CTNNA1: variants seen among roughly 807,000 people sequenced by gnomAD.
CTNNA1 encodes the protein catenin alpha 1, also known as catenin alpha-1.
A neutral mutation model predicts 98.4 loss-of-function variants in CTNNA1; 37 were observed. The observed-to-expected ratio is 0.38, with a 90% CI of 0.29 to 0.49. The LOEUF is 0.49. CTNNA1 is among the 20% of genes least tolerant of loss of function. CTNNA1 has a pLI of 0.95. For missense variants in CTNNA1, 761 were observed against 1,147.2 expected, an observed-to-expected ratio of 0.66 and a Z score of 4.86; for synonymous variants, 404 against 413.2, an observed-to-expected ratio of 0.98 and a Z score of 0.27.
chr5:138,913,996 G>T lies in CTNNA1; in HGVS notation c.1390-3746G>T, dbSNP rs549273670. Among the ~76,000 whole-genome samples, 114 of 152,292 alleles carry T rather than the reference G, an allele frequency of 7.5e-4. 1 individual carries two copies. In the Middle Eastern group the frequency reaches 0.01, roughly 14 times the overall value. On this transcript the variant is annotated intron_variant, in intron 10 of 17. Coordinates refer to ENST00000302763, the MANE Select transcript of CTNNA1 (RefSeq NM_001903.5). ...CTCCCAGAGTGCTGGGATTACAGGCGTGAGCCACTGTGCTCAGCCAGGACA... is the reference window on the plus strand; with the variant it reads ...CTCCCAGAGTGCTGGGATTACAGGCTTGAGCCACTGTGCTCAGCCAGGACA...
intron 16 of CTNNA1, among the ~76,000 whole-genome samples, chr5:138,931,277 C>T (rs1332681634): frequency 6.6e-6 from 1 of 152,224 alleles, no homozygotes; most frequent in African/African-American, 2.4e-5. Flanking sequence ...TTTCTTCATC[C>T]TCAGCACTGT....
At chr5:138,860,930 A>C (rs1206486321) in intron 7 of CTNNA1, among the ~76,000 whole-genome samples, 1 of 152,118 alleles carries the variant, frequency 6.6e-6, no homozygotes, top group East Asian at 1.9e-4. Context: ...CGAGGATGGT[A>C]TATTCTTCTT....
At chr5:138,763,065 C>G (rs1452044683) in intron 1 of CTNNA1, among the ~76,000 whole-genome samples, 2 of 150,558 alleles carry the variant, frequency 1.3e-5, no homozygotes, top group East Asian at 3.9e-4. Flanking sequence ...AAATAAGTGG[C>G]TCATCAACTC....
At chr5:138,928,642 A>G (rs1266946956) in intron 13 of CTNNA1, among the ~76,000 whole-genome samples, 3 of 152,058 alleles carry the variant, frequency 2.0e-5, no homozygotes, top group Admixed American at 1.3e-4. Context: ...GGAAGTAAAA[A>G]CCTTATGTCA....
chr5:138,908,439 C>T (rs950730676), intron 10 of CTNNA1, among the ~76,000 whole-genome samples: 8 of 152,066 alleles, frequency 5.3e-5, no homozygotes, highest in East Asian at 1.9e-4. Context: ...AGGTCAAGGT[C>T]GGGGGATCAT....
At chr5:138,920,196 T>G (rs1002984875) in intron 11 of CTNNA1, among the ~76,000 whole-genome samples, 4 of 152,138 alleles carry the variant, frequency 2.6e-5, no homozygotes, top group African/African-American at 9.7e-5. Context: ...GCCAGGCTTG[T>G]CTCAAACTCC....
chr5:138,758,808 G>GT (rs1370677029), intron 1 of CTNNA1, among the ~76,000 whole-genome samples: 1 of 151,448 alleles, frequency 6.6e-6, no homozygotes, highest in Non-Finnish European at 1.5e-5. Context: ...CTCTGGGACA[G>GT]TTTTTGTTTT....
At position 138,886,319 on chromosome 5, in the gene CTNNA1, T is replaced by TAG. The variant is rs759789659; in HGVS notation, c.1143+27_1143+28insAG. 1.9e-6 allele frequency: 3 copies of TAG among 1,556,514 alleles called. No homozygotes were observed. The African/African-American group carries it at 4.2e-5, about 22-fold the overall frequency. On this transcript the variant is annotated intron_variant, in intron 8 of 17. Transcript: ENST00000302763. ...TAATCTGGATGAAAGTGCTGATTGT[T>TAG]TTTCTAAGTTCTCAATTTTGTAGTT...
chr5:138,821,696 T>C (rs1760061212), intron 5 of CTNNA1, among the ~76,000 whole-genome samples: 1 of 152,200 alleles, frequency 6.6e-6, no homozygotes, highest in Non-Finnish European at 1.5e-5. Flanking sequence ...GGTCAGTCCA[T>C]GGGATATCAT....
intron 12 of CTNNA1, 126 bp from the exon 13 acceptor site, chr5:138,925,130 A>G: frequency 1.0e-6 from 1 of 992,256 alleles, no homozygotes; most frequent in Non-Finnish European, 1.5e-6. Context: ...AATACCCTTC[A>G]CACAGGTAGA....
rs760241675 is a variant in CTNNA1 at position 138,933,798 on chromosome 5, G to A, written c.2434-4G>A. On this transcript the variant is annotated splice_polypyrimidine_tract_variant and splice_region_variant and intron_variant, in intron 17 of 17. Coordinates refer to ENST00000302763, the MANE Select transcript of CTNNA1 (RefSeq NM_001903.5). Reference sequence around the variant, plus strand: ...GCTTCTTACCACCCCTGTCTGCCTCGTAGGTGGACAGCGCCATGTCCCTGA... The same window carrying A: ...GCTTCTTACCACCCCTGTCTGCCTCATAGGTGGACAGCGCCATGTCCCTGA... 1.1e-5 allele frequency: 18 copies of A among 1,611,950 alleles called. No homozygotes were observed. In the South Asian group the frequency reaches 1.3e-4, roughly 12 times the overall value.
Position 138,873,884 on chromosome 5 carries a change from A to G in CTNNA1, c.1063-12328A>G. 1 of 1,614,040 alleles carries G rather than the reference A, an allele frequency of 6.2e-7. No individual in the cohort carries two copies. ...GAGCGTGTGCAGACTGCTTAGCCGTAGGAAATGAGCAAAATTAATCTTCGT... is the reference window on the plus strand; with the variant it reads ...GAGCGTGTGCAGACTGCTTAGCCGTGGGAAATGAGCAAAATTAATCTTCGT... On this transcript the variant is annotated intron_variant, in intron 7 of 17. Coordinates refer to ENST00000302763, the MANE Select transcript of CTNNA1 (RefSeq NM_001903.5). The surrounding 1 kb of genome is among the most constrained non-coding windows in gnomAD (Gnocchi z 6.1).
chr5:138,810,766 G>T (rs1053353440), intron 4 of CTNNA1, among the ~76,000 whole-genome samples: 3 of 151,926 alleles, frequency 2.0e-5, no homozygotes, highest in Non-Finnish European at 4.4e-5. Flanking sequence ...CCACAAAACC[G>T]CCATTGTCAT....
At chr5:138,859,653 G>C (rs544724186) in intron 7 of CTNNA1, among the ~76,000 whole-genome samples, 2 of 152,230 alleles carry the variant, frequency 1.3e-5, no homozygotes, top group African/African-American at 4.8e-5. Flanking sequence ...GCTCAGAGCA[G>C]TGGCTCACGC....
intron 11 of CTNNA1, among the ~76,000 whole-genome samples, chr5:138,920,993 C>T (rs978426735): frequency 1.3e-5 from 2 of 151,992 alleles, no homozygotes; most frequent in African/African-American, 2.4e-5. Flanking sequence ...ATGTGACAGT[C>T]GCACTTGCAT....
At chr5:138,931,803 G>A in intron 16 of CTNNA1, 6 of 985,472 alleles carry the variant, frequency 6.1e-6, no homozygotes, top group Non-Finnish European at 7.2e-6. Flanking sequence ...CTCATCTCCA[G>A]TATGGTCTGC....
chr5:138,900,792 G>A (rs1403424835), intron 9 of CTNNA1, among the ~76,000 whole-genome samples: 2 of 152,032 alleles, frequency 1.3e-5, no homozygotes, highest in Non-Finnish European at 2.9e-5. Flanking sequence ...TTTGAGCTTG[G>A]GTTTTCCTGA....
intron 7 of CTNNA1, among the ~76,000 whole-genome samples, chr5:138,850,347 G>A (rs745736722): frequency 6.6e-6 from 1 of 152,126 alleles, no homozygotes; most frequent in Non-Finnish European, 1.5e-5. Context: ...ACTCTATGAA[G>A]CTCACATGTC....
intron 5 of CTNNA1, among the ~76,000 whole-genome samples, chr5:138,814,695 A>T (rs1457556176): frequency 6.6e-6 from 1 of 152,256 alleles, no homozygotes; most frequent in East Asian, 1.9e-4. Context: ...CAAAATAAAC[A>T]TTAAGATTGC....
Sources: allele counts gnomAD v4.1 joint callset (sites outside exome capture counted in the v4.1 genomes callset), GRCh38; gene constraint gnomAD v4.1.1; non-coding constraint Gnocchi (gnomAD v3.1); transcripts MANE v1.5; gene names NCBI Gene and HGNC (gene_info 2026-07-23, HGNC 2026-07-21).